Variants in PDE4D observed in about 807,000 individuals in gnomAD.
PDE4D encodes the protein 3',5'-cyclic-AMP phosphodiesterase 4D.
A neutral mutation model predicts 87.4 loss-of-function variants in PDE4D; 24 were observed. The observed-to-expected ratio is 0.27, with a 90% CI of 0.20 to 0.39. The LOEUF is 0.39. PDE4D is among the 10% of genes least tolerant of loss of function. The probability of loss-of-function intolerance (pLI) is 1.00; values close to 1 mark genes in which losing one functional copy is unlikely to be tolerated. For missense variants in PDE4D, 714 were observed against 1,041.0 expected (o/e 0.69, Z 4.32); for synonymous variants, 384 against 383.2 (o/e 1.00, Z -0.02).
intron 3 of PDE4D, among the ~76,000 whole-genome samples, chr5:59,979,533 T>A (rs1284129840): frequency 6.6e-6 from 1 of 151,870 alleles, no homozygotes; most frequent in Non-Finnish European, 1.5e-5. Flanking sequence ...CTCCTGGGAA[T>A]GTGGACAAAG....
At chr5:60,417,516 T>C (rs1180686120) in intron 1 of PDE4D, among the ~76,000 whole-genome samples, 1 of 152,180 alleles carries the variant, frequency 6.6e-6, no homozygotes, top group East Asian at 1.9e-4. Flanking sequence ...TCAACTACAT[T>C]CGCAACATCT....
chr5:60,218,900 T>G (rs548502165), intron 1 of PDE4D, among the ~76,000 whole-genome samples: 1 of 152,270 alleles, frequency 6.6e-6, no homozygotes, highest in East Asian at 1.9e-4. Flanking sequence ...TGGTGAATTC[T>G]GTCTTGAGAA....
rs184854746 is a variant in PDE4D, at chr5:59,067,615, G to T, written c.809-28644C>A. 3.3e-5 allele frequency among the ~76,000 whole-genome samples: 5 copies of T among 152,218 alleles called. No individual in the cohort carries two copies. The East Asian group carries it at 9.6e-4, about 29-fold the overall frequency. On this transcript the variant is annotated intron_variant, in intron 5 of 14. Coordinates refer to ENST00000340635, the MANE Select transcript of PDE4D (RefSeq NM_001104631.2). ...AAACAGATCGGATTCATATGGGTTTGCCAAATGACAAATTTTTTTCCATGT... is the reference window on the plus strand; with the variant it reads ...AAACAGATCGGATTCATATGGGTTTTCCAAATGACAAATTTTTTTCCATGT...
At chr5:59,820,702 G>C (rs1386238934) in intron 1 of PDE4D, among the ~76,000 whole-genome samples, 1 of 152,146 alleles carries the variant, frequency 6.6e-6, no homozygotes, top group Admixed American at 6.5e-5. Context: ...AAAAATGAAA[G>C]AAAAATCATT....
At chr5:60,034,572 A>T (rs537019504) in intron 2 of PDE4D, among the ~76,000 whole-genome samples, 1 of 152,270 alleles carries the variant, frequency 6.6e-6, no homozygotes, top group South Asian at 2.1e-4. Context: ...AAATCCCCCC[A>T]TCTCAAGATC....
chr5:59,752,890 T>C (rs998934457), intron 1 of PDE4D, among the ~76,000 whole-genome samples: 1 of 152,146 alleles, frequency 6.6e-6, no homozygotes, highest in African/African-American at 2.4e-5. Context: ...TTAGATGCCA[T>C]GTTAAAGGTG....
At chr5:59,221,713 G>T (rs1158804757) in intron 1 of PDE4D, among the ~76,000 whole-genome samples, 3 of 152,028 alleles carry the variant, frequency 2.0e-5, no homozygotes, top group Non-Finnish European at 4.4e-5. Context: ...ATAACAGTAG[G>T]GTGTAAAAAA....
At chr5:59,262,699 G>A (rs1352638884) in intron 1 of PDE4D, among the ~76,000 whole-genome samples, 2 of 151,904 alleles carry the variant, frequency 1.3e-5, no homozygotes, top group Non-Finnish European at 2.9e-5. Flanking sequence ...TGCACACAAT[G>A]AGGTTAGAGT....
intron 1 of PDE4D, among the ~76,000 whole-genome samples, chr5:59,220,676 G>A (rs1752358153): frequency 1.3e-5 from 2 of 152,118 alleles, no homozygotes; most frequent in East Asian, 3.9e-4. Context: ...AAATAAGCTA[G>A]TTATCTTTGA....
At chr5:59,150,822 G>C (rs565077281) in intron 5 of PDE4D, among the ~76,000 whole-genome samples, 1 of 151,686 alleles carries the variant, frequency 6.6e-6, no homozygotes, top group African/African-American at 2.4e-5. Flanking sequence ...GGTGTCAAGA[G>C]AAAAAAAAAT....
intron 1 of PDE4D, among the ~76,000 whole-genome samples, chr5:59,644,359 C>A (rs1742110356): frequency 6.6e-6 from 1 of 152,220 alleles, no homozygotes; most frequent in Non-Finnish European, 1.5e-5. Context: ...TCTAGGATTT[C>A]TCTCAGTCTC....
chr5:59,022,167 C>A (rs1300565024), intron 6 of PDE4D, among the ~76,000 whole-genome samples: 4 of 152,176 alleles, frequency 2.6e-5, no homozygotes, highest in African/African-American at 9.7e-5. Context: ...ACATTTACAT[C>A]CGCCACTGAC....
chr5:60,281,457 C>T (rs1332402625), intron 1 of PDE4D, among the ~76,000 whole-genome samples: 1 of 152,172 alleles, frequency 6.6e-6, no homozygotes. Flanking sequence ...TATATCCACA[C>T]TACTTTAACT....
At chr5:59,769,746 T>C (rs1297327438) in intron 1 of PDE4D, among the ~76,000 whole-genome samples, 1 of 152,106 alleles carries the variant, frequency 6.6e-6, no homozygotes, top group African/African-American at 2.4e-5. Context: ...CTACAGACCA[T>C]GTGGGATTGA....
At chr5:59,873,817 C>T (rs1020898184) in intron 1 of PDE4D, among the ~76,000 whole-genome samples, 2 of 152,122 alleles carry the variant, frequency 1.3e-5, no homozygotes, top group Non-Finnish European at 1.5e-5. Context: ...CCATTCTAAC[C>T]AATATTCTTA....
chr5:59,573,520 G>A (rs1822236669), intron 1 of PDE4D, among the ~76,000 whole-genome samples: 1 of 152,048 alleles, frequency 6.6e-6, no homozygotes, highest in South Asian at 2.1e-4. Flanking sequence ...CCTTCCCAGG[G>A]CGAATTTTCC....
rs76421367 is a variant in PDE4D at position 59,149,706 on chromosome 5, G to GTTTTTTTTTTTTTT, written c.808+30875_808+30888dup. Among the ~76,000 whole-genome samples the GTTTTTTTTTTTTTT allele has an allele frequency of 1.3e-4, 9 of 69,262 alleles. 2 individuals are homozygous for GTTTTTTTTTTTTTT. The highest frequency in any genetic ancestry group is 1.8e-4 in the Non-Finnish European group (7 of 39,156). The allele number at this position is 69,262 out of a possible 152,430, so 45.4% of individuals were successfully genotyped here. A position where few individuals can be genotyped will look rare whatever the true frequency, so the allele number is the denominator to read the frequency against. ...TTTGCCTTTCTCCCTCTCTCCTCGAGTTTTTTTTTTTTTTTTTTTTTTTTC... is the reference window on the plus strand; with the variant it reads ...TTTGCCTTTCTCCCTCTCTCCTCGAGTTTTTTTTTTTTTTTTTTTTTTTTTTTTTTTTTTTTTTC... On this transcript the variant is annotated intron_variant, in intron 5 of 14. Coordinates refer to ENST00000340635, the MANE Select transcript of PDE4D (RefSeq NM_001104631.2).
chr5:59,765,023 A>G (rs1762615259), intron 1 of PDE4D, among the ~76,000 whole-genome samples: 1 of 152,170 alleles, frequency 6.6e-6, no homozygotes, highest in Admixed American at 6.5e-5. Flanking sequence ...TTTAGCAGAC[A>G]TTTATTAAGC....
chr5:59,945,700 C>A (rs943928241), intron 3 of PDE4D, among the ~76,000 whole-genome samples: 1 of 152,212 alleles, frequency 6.6e-6, no homozygotes, highest in African/African-American at 2.4e-5. Context: ...AAATAACCAT[C>A]TTGCTGGTGA....
Sources: allele counts gnomAD v4.1 joint callset (sites outside exome capture counted in the v4.1 genomes callset), GRCh38; gene constraint gnomAD v4.1.1; transcripts MANE v1.5; gene names NCBI Gene and HGNC (gene_info 2026-07-23, HGNC 2026-07-21).